The following TENM4 variants were observed in gnomAD, a reference collection of about 807,000 sequenced individuals.
TENM4 encodes teneurin transmembrane protein 4, also known as teneurin-4.
In TENM4, 82 loss-of-function variants were observed where a neutral mutation model predicts 243.3. That is an observed-to-expected ratio of 0.34 (90% CI 0.28 to 0.40). TENM4 has a LOEUF of 0.40. Ranked by LOEUF, TENM4 falls within the 10% of genes least tolerant of loss-of-function variation. The probability of loss-of-function intolerance (pLI) is 1.00; values close to 1 mark genes in which losing one functional copy is unlikely to be tolerated. For synonymous variants in TENM4, 1,412 were observed against 1,456.3 expected (o/e 0.97, Z 0.69); for missense variants, 3,138 against 3,673.3 (o/e 0.85, Z 3.77).
chr11:79,216,608 T>C (rs987207983), intron 2 of TENM4, among the ~76,000 whole-genome samples: 1 of 152,224 alleles, frequency 6.6e-6, no homozygotes, highest in African/African-American at 2.4e-5. Flanking sequence ...TGCATTCTCA[T>C]AGCAGTGAGT....
intron 27 of TENM4, among the ~76,000 whole-genome samples, chr11:78,704,159 C>CTATATATATATATATATATATATATA (rs56026926): frequency 9.4e-5 from 10 of 106,012 alleles, no homozygotes; most frequent in Non-Finnish European, 1.3e-4. Context: ...GTATGTGTGT[C>CTATATATATATATATATATATATATA]TATATATATA....
At chr11:79,005,718 C>T (rs949745477) in intron 6 of TENM4, among the ~76,000 whole-genome samples, 4 of 152,064 alleles carry the variant, frequency 2.6e-5, no homozygotes, top group African/African-American at 9.7e-5. Context: ...CACTCCTATC[C>T]AACACAGTTC....
At chr11:79,179,559 ATCTC>A (rs540316157) in intron 3 of TENM4, among the ~76,000 whole-genome samples, 27 of 145,678 alleles carry the variant, frequency 1.9e-4, no homozygotes, top group African/African-American at 6.6e-4. Context: ...ATATTTGAAC[ATCTC>A]TCTCTTTTTA....
intron 32 of TENM4, among the ~76,000 whole-genome samples, chr11:78,667,432 C>G (rs1164710198): frequency 6.6e-6 from 1 of 152,128 alleles, no homozygotes; most frequent in African/African-American, 2.4e-5. Flanking sequence ...TCATGTTGCC[C>G]CTCTACACTT....
At chr11:79,105,287 A>G (rs1861339133) in intron 4 of TENM4, among the ~76,000 whole-genome samples, 1 of 152,232 alleles carries the variant, frequency 6.6e-6, no homozygotes, top group Non-Finnish European at 1.5e-5. Context: ...TATTAAATAC[A>G]ACAACTTCCC....
chr11:78,944,931 C>A (rs1175486241), intron 6 of TENM4, among the ~76,000 whole-genome samples: 1 of 152,158 alleles, frequency 6.6e-6, no homozygotes. Flanking sequence ...CAAAGCTTCT[C>A]CCGCCCTTCT....
intron 6 of TENM4, among the ~76,000 whole-genome samples, chr11:78,963,075 G>A (rs1857366637): frequency 6.6e-6 from 1 of 152,226 alleles, no homozygotes; most frequent in African/African-American, 2.4e-5. Context: ...AGTAGGCATT[G>A]TAGAAGTATT....
At chr11:79,022,466 T>C (rs542414338) in intron 6 of TENM4, among the ~76,000 whole-genome samples, 1 of 152,206 alleles carries the variant, frequency 6.6e-6, no homozygotes, top group African/African-American at 2.4e-5. Flanking sequence ...GCAAACAAGA[T>C]AATGAGTCCC....
chr11:79,098,474 A>T (rs1000942167), intron 4 of TENM4, among the ~76,000 whole-genome samples: 9 of 152,180 alleles, frequency 5.9e-5, no homozygotes, highest in Non-Finnish European at 8.8e-5. Context: ...AGAGAGTCCA[A>T]GTAGAAAACA....
chr11:79,074,817 G>A (rs922961295), intron 4 of TENM4, among the ~76,000 whole-genome samples: 5 of 152,118 alleles, frequency 3.3e-5, no homozygotes, highest in African/African-American at 1.2e-4. Flanking sequence ...CTGACAGGTA[G>A]CCCCTCCTCC....
Position 78,892,957 on chromosome 11 carries a change from C to T in TENM4, c.750-1621G>A, listed in dbSNP as rs147468692. 4.7e-3 allele frequency among the ~76,000 whole-genome samples: 717 copies of T among 152,304 alleles called. 2 individuals carry two copies. Among genetic ancestry groups the T allele is most frequent in the Middle Eastern group, 0.027 (8 of 294 alleles). On this transcript the variant is annotated intron_variant, in intron 7 of 33. Transcript: ENST00000278550. Reference sequence around the variant, plus strand: ...CCCTGGTCAGCCTCAAAGACCCAAACGAGGAGGGGCTGTAAGTACTATCTG... The same window carrying T: ...CCCTGGTCAGCCTCAAAGACCCAAATGAGGAGGGGCTGTAAGTACTATCTG...
chr11:79,213,349 C>A (rs1030687531), intron 3 of TENM4, among the ~76,000 whole-genome samples: 1 of 152,156 alleles, frequency 6.6e-6, no homozygotes, highest in Non-Finnish European at 1.5e-5. Flanking sequence ...CAGGGGCCAA[C>A]AAAGTAGGTC....
At chr11:78,991,859 T>G (rs1406237719) in intron 6 of TENM4, among the ~76,000 whole-genome samples, 1 of 152,182 alleles carries the variant, frequency 6.6e-6, no homozygotes, top group Non-Finnish European at 1.5e-5. Context: ...AAACACTGGC[T>G]TCCTCACCCT....
At chr11:79,097,183 G>A (rs1861104293) in intron 4 of TENM4, 1 of 152,204 alleles carries the variant, frequency 6.6e-6, no homozygotes, top group Non-Finnish European at 1.5e-5. Flanking sequence ...GCTGGCGTCG[G>A]AGCCCAGGTC....
At chr11:78,727,129 C>T (rs561613926) in intron 22 of TENM4, among the ~76,000 whole-genome samples, 1 of 152,260 alleles carries the variant, frequency 6.6e-6, no homozygotes, top group South Asian at 2.1e-4. Flanking sequence ...GTTGAAAAGA[C>T]TGGTTATATA....
chr11:79,343,359 T>C (rs1361806752), intron 1 of TENM4, among the ~76,000 whole-genome samples: 2 of 152,152 alleles, frequency 1.3e-5, no homozygotes, highest in African/African-American at 4.8e-5. Flanking sequence ...TGGCCTACGG[T>C]TTCACAAATG....
chr11:79,412,674 T>C (rs1323539753), intron 1 of TENM4, among the ~76,000 whole-genome samples: 5 of 152,250 alleles, frequency 3.3e-5, no homozygotes, highest in African/African-American at 1.2e-4. Flanking sequence ...AAATACTTTA[T>C]AAATATGTAT....
chr11:79,428,174 T>G (rs1290831058), intron 1 of TENM4, among the ~76,000 whole-genome samples: 1 of 152,176 alleles, frequency 6.6e-6, no homozygotes, highest in Non-Finnish European at 1.5e-5. Flanking sequence ...ACCCACTGAA[T>G]CAGAACTTGC....
chr11:79,022,277 G>C (rs950725110), intron 6 of TENM4, among the ~76,000 whole-genome samples: 2 of 152,208 alleles, frequency 1.3e-5, no homozygotes, highest in Non-Finnish European at 2.9e-5. Flanking sequence ...GAGGTTCAGA[G>C]AGGCCCAATA....
Sources: gnomAD v4.1 joint callset for allele counts (sites outside exome capture counted in the v4.1 genomes callset) on GRCh38, gnomAD v4.1.1 for gene constraint, MANE v1.5 for transcripts, NCBI Gene and HGNC (gene_info 2026-07-23, HGNC 2026-07-21) for gene names.